Variants in SHISA9 observed in about 807,000 individuals in gnomAD.
SHISA9 encodes shisa family member 9.
A neutral mutation model predicts 38.0 loss-of-function variants in SHISA9; 13 were observed. The ratio of observed to expected loss-of-function variants is 0.34; its 90% confidence interval spans 0.22 to 0.54. The LOEUF is 0.54. Among genes scored for constraint, SHISA9 ranks in the 20% least tolerant of loss-of-function variants. The pLI, the probability that SHISA9 is intolerant of heterozygous loss-of-function variation, is 0.91. For missense variants in SHISA9, 538 were observed against 575.8 expected, an observed-to-expected ratio of 0.93 and a Z score of 0.67; for synonymous variants, 275 against 242.0, an observed-to-expected ratio of 1.14 and a Z score of -1.27.
chr16:12,963,207 T>C (rs912109231), intron 2 of SHISA9, among the ~76,000 whole-genome samples: 2 of 152,196 alleles, frequency 1.3e-5, no homozygotes, highest in African/African-American at 4.8e-5. Flanking sequence ...TGTTGTGAGA[T>C]AATGTGTGCC....
chr16:13,169,969 G>A (rs538680186), intron 2 of SHISA9, among the ~76,000 whole-genome samples: 18 of 152,152 alleles, frequency 1.2e-4, no homozygotes, highest in Admixed American at 8.5e-4. Flanking sequence ...TTGGGAGGCC[G>A]AGGCAAGTGG....
intron 2 of SHISA9, among the ~76,000 whole-genome samples, chr16:12,967,054 C>T (rs1436634155): frequency 2.0e-5 from 3 of 152,190 alleles, no homozygotes; most frequent in Non-Finnish European, 4.4e-5. Context: ...CATCCCATTA[C>T]TGGGATTATT....
chr16:12,912,743 A>G (rs1430911825), intron 1 of SHISA9, among the ~76,000 whole-genome samples: 2 of 152,134 alleles, frequency 1.3e-5, no homozygotes, highest in Non-Finnish European at 2.9e-5. Flanking sequence ...TCTCCTCCCA[A>G]TCCCCGCACT....
the SHISA9 span, among the ~76,000 whole-genome samples, chr16:13,317,811 C>A: frequency 2.0e-5 from 3 of 152,134 alleles, no homozygotes; most frequent in Non-Finnish European, 1.5e-5. Context: ...CTTTCTGATG[C>A]CTACAACTTC....
chr16:13,402,479 T>C, the SHISA9 span, among the ~76,000 whole-genome samples: 8 of 151,922 alleles, frequency 5.3e-5, no homozygotes, highest in Admixed American at 5.2e-4. Flanking sequence ...CCTTCGTGGA[T>C]TGGATGATGT....
At chr16:13,445,390 T>A in the SHISA9 span, among the ~76,000 whole-genome samples, 1 of 152,160 alleles carries the variant, frequency 6.6e-6, no homozygotes, top group Non-Finnish European at 1.5e-5. Context: ...AAAGGTTGTG[T>A]CCTTTTCTGT....
chr16:12,915,996 TGTG>T (rs557483492), intron 1 of SHISA9, among the ~76,000 whole-genome samples: 1 of 80,150 alleles, frequency 1.2e-5, no homozygotes, highest in African/African-American at 3.4e-5. Flanking sequence ...GTTTTTTTTT[TGTG>T]TGTGTGTGTG....
the SHISA9 span, among the ~76,000 whole-genome samples, chr16:13,316,321 T>C: frequency 1.1e-4 from 17 of 152,294 alleles, no homozygotes; most frequent in African/African-American, 4.1e-4. Context: ...AGTTTCATTA[T>C]TTCCTTCTGT....
At chr16:13,185,419 G>C (rs2050812301) in intron 2 of SHISA9, among the ~76,000 whole-genome samples, 1 of 152,088 alleles carries the variant, frequency 6.6e-6, no homozygotes, top group Non-Finnish European at 1.5e-5. Context: ...GCCTAGGATG[G>C]TGTTGAACTC....
chr16:13,453,212 A>G, the SHISA9 span, among the ~76,000 whole-genome samples: 1 of 152,098 alleles, frequency 6.6e-6, no homozygotes, highest in South Asian at 2.1e-4. Context: ...TAGCATCCCC[A>G]GGGAAAACCG....
chr16:13,256,653 G>T, the SHISA9 span, among the ~76,000 whole-genome samples: 1 of 152,192 alleles, frequency 6.6e-6, no homozygotes, highest in African/African-American at 2.4e-5. Context: ...AGATTAGTTT[G>T]TCTCTGAATT....
At chr16:13,324,477 G>A in the SHISA9 span, among the ~76,000 whole-genome samples, 1 of 152,090 alleles carries the variant, frequency 6.6e-6, no homozygotes, top group African/African-American at 2.4e-5. Flanking sequence ...GATTAAGGCA[G>A]AGTGGTTCAA....
At chr16:13,295,153 T>A in the SHISA9 span, among the ~76,000 whole-genome samples, 4 of 152,344 alleles carry the variant, frequency 2.6e-5, no homozygotes, top group Non-Finnish European at 2.9e-5. Flanking sequence ...AAATTTTTTT[T>A]AATTAGAAAT....
chr16:13,504,990 G>C, the SHISA9 span, among the ~76,000 whole-genome samples: 1 of 152,262 alleles, frequency 6.6e-6, no homozygotes, highest in South Asian at 2.1e-4. Context: ...GATTCTTTCA[G>C]CTCCCTCTTA....
At chr16:13,442,372 G>A in the SHISA9 span, among the ~76,000 whole-genome samples, 5 of 151,950 alleles carry the variant, frequency 3.3e-5, no homozygotes, top group Middle Eastern at 3.4e-3. Context: ...GCAGTGGCGC[G>A]ATCTTGTCTC....
the SHISA9 span, among the ~76,000 whole-genome samples, chr16:13,290,933 G>A: frequency 6.6e-6 from 1 of 152,110 alleles, no homozygotes; most frequent in Non-Finnish European, 1.5e-5. Context: ...ACTTATTGTG[G>A]TCTCTTTCCC....
the SHISA9 span, among the ~76,000 whole-genome samples, chr16:13,346,300 G>A: frequency 3.9e-5 from 6 of 152,108 alleles, no homozygotes; most frequent in East Asian, 1.9e-4. Flanking sequence ...AATCGGCTGC[G>A]ACGCCACCAG....
chr16:13,374,699 TCAA>T, the SHISA9 span, among the ~76,000 whole-genome samples: 1 of 152,196 alleles, frequency 6.6e-6, no homozygotes, highest in Non-Finnish European at 1.5e-5. Flanking sequence ...GATGCCTGGG[TCAA>T]ATGGTATTTC....
At chr16:13,507,727 C>G in the SHISA9 span, among the ~76,000 whole-genome samples, 2 of 152,292 alleles carry the variant, frequency 1.3e-5, no homozygotes, top group East Asian at 3.9e-4. Flanking sequence ...ACTGCCAGCC[C>G]TGATTCAGGT....
Sources: gnomAD v4.1 joint callset for allele counts (sites outside exome capture counted in the v4.1 genomes callset) on GRCh38, gnomAD v4.1.1 for gene constraint, MANE v1.5 for transcripts, NCBI Gene and HGNC (gene_info 2026-07-23, HGNC 2026-07-21) for gene names.